PDE4D: variants seen among roughly 807,000 people sequenced by gnomAD.
PDE4D encodes the protein 3',5'-cyclic-AMP phosphodiesterase 4D.
PDE4D carries 24 observed loss-of-function variants against 87.4 expected under a neutral mutation model. That is an observed-to-expected ratio of 0.27 (90% CI 0.20 to 0.39). The LOEUF is 0.39. Among genes scored for constraint, PDE4D ranks in the 10% least tolerant of loss-of-function variants. The pLI is 1.00. For synonymous variants in PDE4D, 384 were observed against 383.2 expected, an observed-to-expected ratio of 1.00 and a Z score of -0.02; for missense variants, 714 against 1,041.0, an observed-to-expected ratio of 0.69 and a Z score of 4.32.
chr5:60,458,386 C>CAAAAAAAAA (rs61006284), intron 1 of PDE4D, among the ~76,000 whole-genome samples: 2 of 75,172 alleles, frequency 2.7e-5, no homozygotes, highest in African/African-American at 5.6e-5. Flanking sequence ...GACTTCATTG[C>CAAAAAAAAA]AAAAAAAAAA....
chr5:59,133,754 G>A (rs1014317), intron 5 of PDE4D, among the ~76,000 whole-genome samples: 29 of 151,972 alleles, frequency 1.9e-4, no homozygotes, highest in African/African-American at 3.4e-4. Flanking sequence ...CGGGCTTAGC[G>A]TGGGCAATGG....
chr5:60,452,995 T>C (rs1325101543), intron 1 of PDE4D, among the ~76,000 whole-genome samples: 2 of 152,096 alleles, frequency 1.3e-5, no homozygotes, highest in African/African-American at 4.8e-5. Flanking sequence ...TCATTGTACA[T>C]GTGCATTGGT....
At chr5:59,620,624 C>T (rs1561341692) in intron 1 of PDE4D, among the ~76,000 whole-genome samples, 1 of 152,084 alleles carries the variant, frequency 6.6e-6, no homozygotes, top group Admixed American at 6.6e-5. Flanking sequence ...CTTGATTGCA[C>T]ATTAGGGTGA....
At chr5:59,911,757 T>C (rs571142138) in intron 3 of PDE4D, among the ~76,000 whole-genome samples, 1 of 152,294 alleles carries the variant, frequency 6.6e-6, no homozygotes, top group East Asian at 1.9e-4. Flanking sequence ...GAGAACACTT[T>C]GGACAATAAC....
At chr5:60,367,993 A>G (rs1426344426) in intron 1 of PDE4D, among the ~76,000 whole-genome samples, 1 of 152,170 alleles carries the variant, frequency 6.6e-6, no homozygotes, top group Non-Finnish European at 1.5e-5. Context: ...CAGATCTTAT[A>G]GACAGTGAAT....
At chr5:60,471,329 T>G (rs1180601943) in intron 1 of PDE4D, among the ~76,000 whole-genome samples, 1 of 152,192 alleles carries the variant, frequency 6.6e-6, no homozygotes, top group Non-Finnish European at 1.5e-5. Context: ...AGTGGTTTCC[T>G]GAGATGGAAT....
At chr5:59,056,841 T>G (rs1234461910) in intron 5 of PDE4D, among the ~76,000 whole-genome samples, 1 of 152,162 alleles carries the variant, frequency 6.6e-6, no homozygotes, top group Non-Finnish European at 1.5e-5. Flanking sequence ...AAAATGACTT[T>G]TTAAAGTGGC....
chr5:59,528,518 G>A (rs1400450102), intron 1 of PDE4D, among the ~76,000 whole-genome samples: 3 of 152,064 alleles, frequency 2.0e-5, no homozygotes, highest in East Asian at 1.9e-4. Flanking sequence ...ATGTCACAAC[G>A]ATACGATGTG....
intron 5 of PDE4D, among the ~76,000 whole-genome samples, chr5:59,089,046 T>G (rs1211271337): frequency 6.6e-6 from 1 of 152,238 alleles, no homozygotes; most frequent in African/African-American, 2.4e-5. Flanking sequence ...ATTTGTGGAA[T>G]AGCCTTATTA....
intron 1 of PDE4D, among the ~76,000 whole-genome samples, chr5:60,237,686 T>G (rs897202372): frequency 1.3e-5 from 2 of 152,032 alleles, no homozygotes; most frequent in Admixed American, 6.6e-5. Context: ...TTGGGGCTGT[T>G]CTGAATCTTG....
intron 1 of PDE4D, among the ~76,000 whole-genome samples, chr5:59,452,882 T>C (rs1799375643): frequency 6.6e-6 from 1 of 152,032 alleles, no homozygotes; most frequent in Non-Finnish European, 1.5e-5. Context: ...TTTTCTCTTT[T>C]AAATAGCAAA....
intron 1 of PDE4D, among the ~76,000 whole-genome samples, chr5:59,337,337 CT>C (rs1232280356): frequency 0.067 from 8,864 of 132,628 alleles, 764 homozygotes; most frequent in African/African-American, 0.21. Context: ...CCCCCCCCAC[CT>C]TTTTTTTTTT....
intron 2 of PDE4D, among the ~76,000 whole-genome samples, chr5:59,996,362 T>C (rs531300439): frequency 2.0e-5 from 3 of 152,298 alleles, no homozygotes; most frequent in African/African-American, 7.2e-5. Context: ...TCTGTAAAAG[T>C]AAAGTTTCCC....
chr5:60,112,978 A>G (rs1008100854), intron 2 of PDE4D, among the ~76,000 whole-genome samples: 4 of 152,074 alleles, frequency 2.6e-5, no homozygotes, highest in African/African-American at 9.7e-5. Flanking sequence ...AGGGTTGGGC[A>G]TCCAATCCAG....
chr5:60,256,212 T>C (rs1749028849), intron 1 of PDE4D, among the ~76,000 whole-genome samples: 1 of 151,896 alleles, frequency 6.6e-6, no homozygotes, highest in African/African-American at 2.4e-5. Flanking sequence ...TTGGTCTACA[T>C]GCAGAGTTCC....
chr5:60,067,184 A>G (rs1772198395), intron 2 of PDE4D, among the ~76,000 whole-genome samples: 2 of 152,054 alleles, frequency 1.3e-5, no homozygotes, highest in South Asian at 2.1e-4. Flanking sequence ...GAGCAGTTCT[A>G]TATCTTTCAT....
At chr5:59,945,199 A>G (rs2152801037) in intron 3 of PDE4D, among the ~76,000 whole-genome samples, 1 of 152,340 alleles carries the variant, frequency 6.6e-6, no homozygotes, top group South Asian at 2.1e-4. Flanking sequence ...GCATTATTGG[A>G]GCAGAATAAA....
chr5:59,637,749 C>T (rs968157440), intron 1 of PDE4D, among the ~76,000 whole-genome samples: 2 of 151,512 alleles, frequency 1.3e-5, no homozygotes, highest in Non-Finnish European at 1.5e-5. Flanking sequence ...TGGGGCCTGT[C>T]GGGGGGTTGG....
At chr5:59,168,073 AAAAAC>A (rs974374767) in intron 5 of PDE4D, among the ~76,000 whole-genome samples, 6 of 152,280 alleles carry the variant, frequency 3.9e-5, no homozygotes, top group Non-Finnish European at 2.9e-5. Context: ...GGAACCACAA[AAAAAC>A]AAAACAAAAC....
Sources: allele counts gnomAD v4.1 joint callset (sites outside exome capture counted in the v4.1 genomes callset), GRCh38; gene constraint gnomAD v4.1.1; transcripts MANE v1.5; gene names NCBI Gene and HGNC (gene_info 2026-07-23, HGNC 2026-07-21).